Variants in NCAM1 observed in about 807,000 individuals in gnomAD.
NCAM1 encodes the protein neural cell adhesion molecule 1.
NCAM1 carries 14 observed loss-of-function variants against 109.8 expected under a neutral mutation model. The observed-to-expected ratio is 0.13, with a 90% CI of 0.08 to 0.20. NCAM1 has a LOEUF of 0.20. Among genes scored for constraint, NCAM1 ranks in the 10% least tolerant of loss-of-function variants. The pLI, the probability that NCAM1 is intolerant of heterozygous loss-of-function variation, is 1.00. For missense variants in NCAM1, 774 were observed against 1,109.9 expected, an observed-to-expected ratio of 0.70 and a Z score of 4.30; for synonymous variants, 418 against 442.9, an observed-to-expected ratio of 0.94 and a Z score of 0.70.
chr11:113,015,733 A>C (rs1377239249), intron 1 of NCAM1, among the ~76,000 whole-genome samples: 1 of 152,134 alleles, frequency 6.6e-6, no homozygotes, highest in African/African-American at 2.4e-5. Flanking sequence ...TCCATCTAAA[A>C]AAAAACAAAA....
intron 1 of NCAM1, among the ~76,000 whole-genome samples, chr11:113,192,479 G>A (rs1471338379): frequency 6.6e-6 from 1 of 152,160 alleles, no homozygotes; most frequent in Non-Finnish European, 1.5e-5. Context: ...GTGCCCCTGG[G>A]GTTGGTGGGA....
chr11:113,137,920 G>A (rs1459520730), intron 1 of NCAM1, among the ~76,000 whole-genome samples: 1 of 152,028 alleles, frequency 6.6e-6, no homozygotes, highest in Admixed American at 6.6e-5. Flanking sequence ...ACAAGGGAGG[G>A]GCAAGACAGA....
chr11:112,977,993 T>G (rs530372176), intron 1 of NCAM1, among the ~76,000 whole-genome samples: 88 of 151,998 alleles, frequency 5.8e-4, no homozygotes, highest in South Asian at 6.2e-4. Flanking sequence ...CAGTGTTTTG[T>G]GGAAGAAGAG....
At chr11:113,182,566 C>T (rs1555108163) in intron 1 of NCAM1, among the ~76,000 whole-genome samples, 1 of 152,218 alleles carries the variant, frequency 6.6e-6, no homozygotes, top group African/African-American at 2.4e-5. Flanking sequence ...CTCTATGATG[C>T]AGACAGTGCT....
At chr11:113,148,914 A>AAGGCTTC (rs2136250772) in intron 1 of NCAM1, among the ~76,000 whole-genome samples, 1 of 152,250 alleles carries the variant, frequency 6.6e-6, no homozygotes, top group African/African-American at 2.4e-5. Flanking sequence ...GCAGCAAGAT[A>AAGGCTTC]AGGCAGAAGC....
At chr11:113,012,651 G>C (rs1359160422) in intron 1 of NCAM1, among the ~76,000 whole-genome samples, 1 of 152,182 alleles carries the variant, frequency 6.6e-6, no homozygotes, top group East Asian at 1.9e-4. Flanking sequence ...GCTGGCAACT[G>C]CCTCACTCCA....
intron 15 of NCAM1, among the ~76,000 whole-genome samples, chr11:113,247,838 A>C (rs1445902563): frequency 1.3e-5 from 2 of 152,136 alleles, no homozygotes; most frequent in East Asian, 3.9e-4. Flanking sequence ...CCCACCCAAA[A>C]TACGGTATTT....
At chr11:113,140,198 C>T (rs1431874713) in intron 1 of NCAM1, among the ~76,000 whole-genome samples, 2 of 152,202 alleles carry the variant, frequency 1.3e-5, no homozygotes, top group Non-Finnish European at 2.9e-5. Flanking sequence ...TTAAATTTTG[C>T]TCCTCATATC....
chr11:113,246,147 A>G (rs1372226787), intron 14 of NCAM1: 3 of 565,538 alleles, frequency 5.3e-6, no homozygotes, highest in South Asian at 2.5e-5. Context: ...AATGTTTCCT[A>G]TATATGCTGC....
intron 1 of NCAM1, among the ~76,000 whole-genome samples, chr11:113,111,496 G>A (rs530578608): frequency 1.3e-5 from 2 of 151,462 alleles, no homozygotes; most frequent in Admixed American, 6.7e-5. Flanking sequence ...GATCAGCAGC[G>A]TCAGGACCTG....
At chr11:113,171,280 C>T (rs1428784067) in intron 1 of NCAM1, among the ~76,000 whole-genome samples, 1 of 152,148 alleles carries the variant, frequency 6.6e-6, no homozygotes. Flanking sequence ...GATCTATTCC[C>T]CCATATTGTT....
At chr11:113,018,179 T>C (rs944240050) in intron 1 of NCAM1, among the ~76,000 whole-genome samples, 1 of 52,456 alleles carries the variant, frequency 1.9e-5, no homozygotes. Flanking sequence ...GTTTTAATTG[T>C]GGTAAAAAAA....
In NCAM1 at chr11:112,962,763, C is replaced by A. The variant is rs562074043; in HGVS notation, c.52+1099C>A. Among the ~76,000 whole-genome samples, 1 of 152,236 alleles carries A rather than the reference C, an allele frequency of 6.6e-6. No individual in the cohort carries two copies. Among genetic ancestry groups the A allele is most frequent in the African/African-American group, 2.4e-5 (1 of 41,546 alleles). On this transcript the variant is annotated intron_variant, in intron 1 of 19. Coordinates refer to ENST00000316851, the MANE Select transcript of NCAM1 (RefSeq NM_181351.5). This position sits in a 1 kb window ranked among gnomAD's most constrained non-coding sequence, Gnocchi z 5.6. ...CCCACCCTCCCCTCCAGCTGTCATC[C>A]CCCCACCTCCACCCAAGGATTTGCG...
At chr11:112,979,602 G>GTC (rs1951098486) in intron 1 of NCAM1, among the ~76,000 whole-genome samples, 1 of 151,738 alleles carries the variant, frequency 6.6e-6, no homozygotes, top group East Asian at 1.9e-4. Flanking sequence ...ACTGACTCAG[G>GTC]TCGACTGGAA....
intron 8 of NCAM1, among the ~76,000 whole-genome samples, chr11:113,220,339 T>C (rs45627444): frequency 0.015 from 2,335 of 152,264 alleles, 26 homozygotes; most frequent in Non-Finnish European, 0.023. Flanking sequence ...TTCTCTGCTG[T>C]TAAGGACTGG....
chr11:112,975,252 G>A (rs150904110), intron 1 of NCAM1, among the ~76,000 whole-genome samples: 28 of 152,172 alleles, frequency 1.8e-4, no homozygotes, highest in African/African-American at 6.5e-4. Context: ...ATCAGAACAA[G>A]AACAATTTTA....
chr11:113,082,535 A>G (rs979049908), intron 1 of NCAM1, among the ~76,000 whole-genome samples: 4 of 152,244 alleles, frequency 2.6e-5, no homozygotes, highest in African/African-American at 9.6e-5. Context: ...GTTACTTTTC[A>G]TCGGCTGGAA....
intron 8 of NCAM1, among the ~76,000 whole-genome samples, chr11:113,218,156 T>C (rs1812034298): frequency 6.6e-6 from 1 of 152,232 alleles, no homozygotes; most frequent in Admixed American, 6.5e-5. Flanking sequence ...AATGCAGTCG[T>C]CATCTAACAT....
Position 113,128,605 on chromosome 11 carries a change from C to G in NCAM1, c.53-73774C>G, listed in dbSNP as rs534475838. ...CACAGCAGCGTCCTTTCCCTCTGCC[C>G]CCTTCATAGGCATGCCCCCTCCTTT... On this transcript the variant is annotated intron_variant, in intron 1 of 19. Transcript: ENST00000316851. Among the ~76,000 whole-genome samples the G allele has an allele frequency of 6.6e-4, 100 of 152,264 alleles. No individual in the cohort carries two copies. In the South Asian group the frequency reaches 0.019, roughly 28 times the overall value.
Sources: gnomAD v4.1 joint callset for allele counts (sites outside exome capture counted in the v4.1 genomes callset) on GRCh38, gnomAD v4.1.1 for gene constraint, Gnocchi (gnomAD v3.1) non-coding constraint, MANE v1.5 for transcripts, NCBI Gene and HGNC (gene_info 2026-07-23, HGNC 2026-07-21) for gene names.